MBTD1: variants seen among roughly 807,000 people sequenced by gnomAD.
MBTD1 encodes the protein MBT domain-containing protein 1.
MBTD1 carries 24 observed loss-of-function variants against 87.8 expected under a neutral mutation model. The ratio of observed to expected loss-of-function variants is 0.27; its 90% CI spans 0.20 to 0.38. The LOEUF (loss-of-function observed/expected upper bound fraction) is 0.38. Among genes scored for constraint, MBTD1 ranks in the 10% least tolerant of loss-of-function variants. The probability of loss-of-function intolerance (pLI) is 1.00; values close to 1 mark genes in which losing one functional copy is unlikely to be tolerated. For synonymous variants in MBTD1, 237 were observed against 248.6 expected (o/e 0.95, Z 0.44); for missense variants, 436 against 760.2 (o/e 0.57, Z 5.02).
At chr17:51,206,805 G>C (rs2051869793) in intron 7 of MBTD1, 83 bp downstream of exon 7, 18 of 974,746 alleles carry the variant, frequency 1.8e-5, no homozygotes, top group African/African-American at 3.2e-5. Flanking sequence ...GGCAATACTT[G>C]CAAAATTTAT....
upstream of MBTD1, chr17:51,260,953 G>T: frequency 6.8e-7 from 1 of 1,467,588 alleles, no homozygotes; most frequent in Non-Finnish European, 9.0e-7. Flanking sequence ...CGCGCGGGCT[G>T]GGCGCACTCG....
chr17:51,191,978 C>A, intron 16 of MBTD1: 2 of 521,016 alleles, frequency 3.8e-6, no homozygotes, highest in Non-Finnish European at 6.8e-6. Flanking sequence ...TATTCTTTAC[C>A]ACGTATACTT....
intron 2 of MBTD1, among the ~76,000 whole-genome samples, chr17:51,226,289 A>T (rs2053213247): frequency 6.6e-6 from 1 of 150,900 alleles, no homozygotes; most frequent in Admixed American, 6.6e-5. Context: ...AGGTGGTCAG[A>T]GGAGTTTGAG....
chr17:51,187,220 G>T (rs1247408473), intron 16 of MBTD1, among the ~76,000 whole-genome samples: 3 of 152,058 alleles, frequency 2.0e-5, no homozygotes, highest in South Asian at 4.1e-4. Context: ...CTTCAGGCCA[G>T]GAGTTTCAGA....
chr17:51,206,313 G>A (rs2051831208), intron 7 of MBTD1, among the ~76,000 whole-genome samples: 1 of 152,054 alleles, frequency 6.6e-6, no homozygotes, highest in Non-Finnish European at 1.5e-5. Context: ...TCGCTATTTT[G>A]CCCAGGTGGG....
intron 2 of MBTD1, among the ~76,000 whole-genome samples, chr17:51,243,776 C>G (rs548205589): frequency 3.9e-5 from 6 of 152,192 alleles, no homozygotes; most frequent in African/African-American, 1.2e-4. Flanking sequence ...ATCCTCCCAC[C>G]ACAGCCTCCT....
intron 2 of MBTD1, among the ~76,000 whole-genome samples, chr17:51,227,634 G>A (rs903987370): frequency 3.3e-5 from 5 of 152,194 alleles, no homozygotes; most frequent in East Asian, 1.9e-4. Flanking sequence ...ACTGCTAAAA[G>A]CTCTGAAGGG....
chr17:51,257,596 A>G (rs1272810933), intron 2 of MBTD1, among the ~76,000 whole-genome samples: 1 of 152,228 alleles, frequency 6.6e-6, no homozygotes, highest in Non-Finnish European at 1.5e-5. Context: ...AGCTTTAAAG[A>G]ATATGGCAGC....
At chr17:51,210,479 G>C (rs1250412875) in intron 6 of MBTD1, among the ~76,000 whole-genome samples, 4 of 152,172 alleles carry the variant, frequency 2.6e-5, no homozygotes, top group Non-Finnish European at 4.4e-5. Context: ...AAGGCGGCCA[G>C]GTGTGGTGGC....
At chr17:51,192,030 G>A in intron 16 of MBTD1, 173 bp downstream of exon 16, 1 of 607,810 alleles carries the variant, frequency 1.6e-6, no homozygotes, top group South Asian at 2.0e-5. Flanking sequence ...TAAAATATCA[G>A]TGTTTCTCAT....
intron 6 of MBTD1, among the ~76,000 whole-genome samples, chr17:51,214,941 G>A (rs1568188451): frequency 6.6e-6 from 1 of 152,116 alleles, no homozygotes; most frequent in East Asian, 1.9e-4. Context: ...GTTTCGGAGG[G>A]GACAACCAGG....
intron 12 of MBTD1, among the ~76,000 whole-genome samples, chr17:51,196,250 A>G (rs2051099008): frequency 7.2e-6 from 1 of 138,966 alleles, no homozygotes. Flanking sequence ...TTTGAGACAG[A>G]GTTTCCCTCG....
chr17:51,247,236 C>T (rs983241547), intron 2 of MBTD1, among the ~76,000 whole-genome samples: 4 of 152,032 alleles, frequency 2.6e-5, no homozygotes, highest in African/African-American at 4.8e-5. Context: ...CTCTTCTGAC[C>T]GATTAGTATG....
At position 51,207,125 on chromosome 17, in the gene MBTD1, C is replaced by T. The variant is rs145254370; in HGVS notation, c.487-120G>A. The stretch of plus-strand genomic sequence containing the variant: ...TAAACTAAAAATGTCATTTTAATTC[C>T]GTTTGTTTCCTAGAATTCTATCTGG... On this transcript the variant is annotated intron_variant, in intron 6 of 16. Coordinates refer to ENST00000586178, the MANE Select transcript of MBTD1 (RefSeq NM_017643.3). 524 of 533,228 alleles carry T rather than the reference C, an allele frequency of 9.8e-4. 8 individuals carry two copies. The Admixed American group carries it at 0.015, about 15-fold the overall frequency. The allele number at this position is 533,228 out of a possible 1,614,324, so 33.0% of individuals were successfully genotyped here.
At chr17:51,242,122 A>G (rs2054193032) in intron 2 of MBTD1, among the ~76,000 whole-genome samples, 1 of 152,240 alleles carries the variant, frequency 6.6e-6, no homozygotes, top group African/African-American at 2.4e-5. Context: ...GAATGATATA[A>G]GAAATAAAGA....
intron 6 of MBTD1, among the ~76,000 whole-genome samples, chr17:51,207,873 G>GA (rs2051938798): frequency 6.6e-6 from 1 of 152,308 alleles, no homozygotes; most frequent in East Asian, 1.9e-4. Context: ...TATAAATGCT[G>GA]ATAACACTAA....
intron 2 of MBTD1, among the ~76,000 whole-genome samples, chr17:51,229,147 T>C (rs1157516412): frequency 2.6e-5 from 4 of 152,136 alleles, no homozygotes; most frequent in East Asian, 1.9e-4. Context: ...CTGGGCAACA[T>C]AGGGAGACCC....
intron 3 of MBTD1, among the ~76,000 whole-genome samples, chr17:51,221,967 T>G (rs1383317223): frequency 1.3e-5 from 2 of 152,142 alleles, no homozygotes; most frequent in Non-Finnish European, 2.9e-5. Context: ...AGATTGCAGG[T>G]GAACAAAGGG....
chr17:51,203,868 C>T lies in MBTD1; in HGVS notation c.662G>A (p.Trp221Ter). The T allele has an allele frequency of 6.2e-7, 1 of 1,613,486 alleles. No individual in the cohort carries two copies. Among genetic ancestry groups the T allele is most frequent in the Non-Finnish European group, 8.5e-7 (1 of 1,179,734 alleles). ...GATATCAGAACCACATATATTGCACCAGAAGTCCAGACCAGAGTCATTTTC... is the reference window on the plus strand; with the variant it reads ...GATATCAGAACCACATATATTGCACTAGAAGTCCAGACCAGAGTCATTTTC... ...GFENDSGLDF[W>*]CNICGSDIHP... Residue 221 changes from tryptophan to a stop codon, truncating the protein, a stop_gained, in exon 8 of 17, where the codon TGG becomes TAG. Transcript: ENST00000586178. LOFTEE classifies it high-confidence loss of function.
Sources: gnomAD v4.1 joint callset for allele counts (sites outside exome capture counted in the v4.1 genomes callset) on GRCh38, gnomAD v4.1.1 for gene constraint, MANE v1.5 for transcripts, NCBI Gene and HGNC (gene_info 2026-07-23, HGNC 2026-07-21) for gene names.